Variants in CCDC88C observed in about 807,000 individuals in gnomAD.
CCDC88C encodes protein Daple.
In CCDC88C, 131 loss-of-function variants were observed where a neutral mutation model predicts 198.8. The observed-to-expected ratio is 0.66, with a 90% confidence interval of 0.57 to 0.76. The LOEUF (loss-of-function observed/expected upper bound fraction) is 0.76. Ranked by LOEUF, CCDC88C falls within the 30% of genes least tolerant of loss-of-function variation. The pLI, the probability that CCDC88C is intolerant of heterozygous loss-of-function variation, is 0.00. For synonymous variants in CCDC88C, 1,166 were observed against 1,114.7 expected (o/e 1.05, Z -0.92); for missense variants, 2,553 against 2,631.6 (o/e 0.97, Z 0.65).
intron 25 of CCDC88C, among the ~76,000 whole-genome samples, chr14:91,286,055 C>T (rs539686315): frequency 1.3e-5 from 2 of 152,140 alleles, no homozygotes; most frequent in Admixed American, 1.3e-4. Flanking sequence ...TTTAAAGGCA[C>T]CTGAACGCCA....
intron 3 of CCDC88C, among the ~76,000 whole-genome samples, chr14:91,373,913 A>T (rs1412070443): frequency 1.3e-5 from 2 of 152,006 alleles, no homozygotes; most frequent in Non-Finnish European, 2.9e-5. Flanking sequence ...CCTTCCTCAA[A>T]CCCCTCCGCC....
rs1893231812 is a variant in CCDC88C at position 91,339,814 on chromosome 14, T to C, written c.624+70A>G. ...AGGACCGAGGCGTCTAGGCTGAAGA[T>C]GAAGGGAGAGGAGATGAAGGGGCCT... On this transcript the variant is annotated intron_variant, in intron 7 of 29. Coordinates refer to ENST00000389857, the MANE Select transcript of CCDC88C (RefSeq NM_001080414.4). This position sits in a 1 kb window ranked among gnomAD's most constrained non-coding sequence, Gnocchi z 5.8. 1.1e-5 allele frequency: 16 copies of C among 1,464,858 alleles called. No individual in the cohort carries two copies. Among genetic ancestry groups the C allele is most frequent in the East Asian group, 5.0e-5 (2 of 40,190 alleles). The allele number at this position is 1,464,858 out of a possible 1,614,324, so 90.7% of individuals were successfully genotyped here.
At chr14:91,353,763 G>A (rs978180593) in intron 4 of CCDC88C, among the ~76,000 whole-genome samples, 13 of 152,202 alleles carry the variant, frequency 8.5e-5, no homozygotes, top group Admixed American at 3.3e-4. Context: ...TCATAAGAGA[G>A]AGAAAACATA....
At chr14:91,333,755 G>A (rs1321856485) in intron 10 of CCDC88C, among the ~76,000 whole-genome samples, 1 of 152,328 alleles carries the variant, frequency 6.6e-6, no homozygotes, top group East Asian at 1.9e-4. Context: ...ACTCCCTAGG[G>A]TCTAGGGTGG....
At chr14:91,389,898 C>T (rs568010720) in intron 3 of CCDC88C, among the ~76,000 whole-genome samples, 2 of 151,586 alleles carry the variant, frequency 1.3e-5, no homozygotes, top group Non-Finnish European at 2.9e-5. Flanking sequence ...CGGTGAAACC[C>T]CATCTCTACT....
At chr14:91,321,588 C>G (rs2139821591) in intron 12 of CCDC88C, among the ~76,000 whole-genome samples, 1 of 152,338 alleles carries the variant, frequency 6.6e-6, no homozygotes, top group South Asian at 2.1e-4. Context: ...CTTCTGGGAA[C>G]CATCTGGCTA....
At position 91,417,770 on chromosome 14, in the gene CCDC88C, A is replaced by C; in HGVS notation, c.-80T>G. 10 of 1,071,444 alleles carry C rather than the reference A, an allele frequency of 9.3e-6. No homozygotes were observed. The highest frequency in any genetic ancestry group is 1.2e-5 in the Non-Finnish European group (10 of 837,860). The allele number at this position is 1,071,444 out of a possible 1,614,324, so 66.4% of individuals were successfully genotyped here. On this transcript the variant is annotated 5_prime_UTR_variant, in exon 1 of 30. Transcript: ENST00000389857. ...GCGCCGCGGCACAAAACGGCTCCGC[A>C]GCGAGCAGCGGGCGCGGGGCTGCGG...
At chr14:91,416,648 A>C in intron 2 of CCDC88C, 90 bp downstream of exon 2, 1 of 946,038 alleles carries the variant, frequency 1.1e-6, no homozygotes, top group Non-Finnish European at 1.7e-6. Context: ...CACCCCACAC[A>C]CACCCCGCCA....
chr14:91,322,831 C>T (rs1189901602), intron 12 of CCDC88C, among the ~76,000 whole-genome samples: 1 of 151,368 alleles, frequency 6.6e-6, no homozygotes, highest in African/African-American at 2.4e-5. Flanking sequence ...TTCATTTCCT[C>T]TTCCATTAAA....
At chr14:91,312,792 C>A (rs1384729950) in intron 15 of CCDC88C, among the ~76,000 whole-genome samples, 1 of 151,844 alleles carries the variant, frequency 6.6e-6, no homozygotes. Flanking sequence ...TTAATAAAAA[C>A]CACAACAGCT....
At chr14:91,289,399 G>A in intron 24 of CCDC88C, 56 bp from the exon 25 acceptor site, 1 of 1,488,624 alleles carries the variant, frequency 6.7e-7, no homozygotes, top group Non-Finnish European at 9.4e-7. Flanking sequence ...CCCCCAGTGG[G>A]TCCCTGGTTC....
In CCDC88C at chr14:91,273,394, G is replaced by T. The variant is rs1222887072; in HGVS notation, c.5318C>A (p.Pro1773His). Residue 1773 changes from proline (P) to histidine (H), a missense_variant, in exon 30 of 30, where the codon CCT becomes CAT. By Grantham distance (77) the Pro-to-His change is moderately conservative. Coordinates refer to ENST00000389857, the MANE Select transcript of CCDC88C (RefSeq NM_001080414.4). The surrounding 1 kb of genome is among the most constrained non-coding windows in gnomAD (Gnocchi z 5.6). ...PPSVAPRQAQPPQSLSLGRPR... is the reference protein window; with the variant it reads ...PPSVAPRQAQHPQSLSLGRPR... ...TCTGCCCAGAGACAGGCTCTGGGGA[G>T]GCTGGGCCTGTCTCGGGGCCACGCT... 6.5e-7 allele frequency: 1 copy of T among 1,538,156 alleles called. No individual in the cohort carries two copies.
At chr14:91,369,945 C>G (rs958080899) in intron 3 of CCDC88C, among the ~76,000 whole-genome samples, 2 of 152,248 alleles carry the variant, frequency 1.3e-5, no homozygotes, top group Admixed American at 1.3e-4. Flanking sequence ...TCAGAAAACC[C>G]CCTCCCACGG....
At chr14:91,346,249 A>G (rs1893543272) in intron 4 of CCDC88C, among the ~76,000 whole-genome samples, 1 of 152,312 alleles carries the variant, frequency 6.6e-6, no homozygotes, top group Non-Finnish European at 1.5e-5. Context: ...CAGAACTGGG[A>G]ACTGGGGGTT....
chr14:91,373,260 A>T (rs113290486), intron 3 of CCDC88C, among the ~76,000 whole-genome samples: 1 of 152,070 alleles, frequency 6.6e-6, no homozygotes, highest in Non-Finnish European at 1.5e-5. Flanking sequence ...CCAGTGCCCT[A>T]TGGTGGTCTG....
chr14:91,296,045 C>T (rs1202527415), intron 22 of CCDC88C, among the ~76,000 whole-genome samples: 1 of 152,228 alleles, frequency 6.6e-6, no homozygotes, highest in Non-Finnish European at 1.5e-5. Context: ...GGACGTCCAG[C>T]CTCCCAACCG....
chr14:91,285,877 A>G, intron 25 of CCDC88C: 9 of 1,106,304 alleles, frequency 8.1e-6, no homozygotes, highest in Non-Finnish European at 1.1e-5. Flanking sequence ...GAGGAAGGAA[A>G]AAGAAAACAC....
At chr14:91,345,181 TATATATA>T (rs1893484286) in intron 4 of CCDC88C, among the ~76,000 whole-genome samples, 1 of 70,824 alleles carries the variant, frequency 1.4e-5, no homozygotes. Context: ...TATATATATA[TATATATA>T]TATTTTTTTT....
intron 3 of CCDC88C, among the ~76,000 whole-genome samples, chr14:91,383,781 A>T (rs1240748653): frequency 6.6e-6 from 1 of 152,196 alleles, no homozygotes; most frequent in Admixed American, 6.5e-5. Context: ...TGTGACAGGG[A>T]GGGGTCTCCA....
Sources: gnomAD v4.1 joint callset for allele counts (sites outside exome capture counted in the v4.1 genomes callset) on GRCh38, gnomAD v4.1.1 for gene constraint, Gnocchi (gnomAD v3.1) non-coding constraint, MANE v1.5 for transcripts, NCBI Gene and HGNC (gene_info 2026-07-23, HGNC 2026-07-21) for gene names.